Variants in DNAJC10 observed in about 807,000 individuals in gnomAD.
DNAJC10 encodes DnaJ heat shock protein family (Hsp40) member C10.
DNAJC10 carries 101 observed loss-of-function variants against 115.0 expected under a neutral mutation model. The ratio of observed to expected loss-of-function variants is 0.88; its 90% CI spans 0.75 to 1.04. The LOEUF (loss-of-function observed/expected upper bound fraction) is 1.04. Ranked by LOEUF, DNAJC10 falls within the 50% of genes least tolerant of loss-of-function variation. The pLI, the probability that DNAJC10 is intolerant of heterozygous loss-of-function variation, is 0.00. For missense variants in DNAJC10, 981 were observed against 928.8 expected (o/e 1.06, Z -0.73); for synonymous variants, 307 against 301.5 (o/e 1.02, Z -0.19).
rs1695046591 is a variant in DNAJC10 at position 182,791,425 on chromosome 2, A to G, written c.*14293A>G. 1 of 152,246 alleles carries G rather than the reference A, an allele frequency of 6.6e-6. No individual in the cohort carries two copies. Among genetic ancestry groups the G allele is most frequent in the Non-Finnish European group, 1.5e-5 (1 of 68,034 alleles). The allele number at this position is 152,246 out of a possible 1,614,324, so 9.4% of individuals were successfully genotyped here. A position where few individuals can be genotyped will look rare whatever the true frequency, so the allele number is the denominator to read the frequency against. ...ATGGGTTACTCTAAAATGAAATTTT[A>G]AAAGTATATAAACATCTTAAACTTT... On this transcript the variant is annotated 3_prime_UTR_variant, in exon 24 of 24. Coordinates refer to ENST00000264065, the MANE Select transcript of DNAJC10 (RefSeq NM_018981.4).
chr2:182,752,594 A>G lies in DNAJC10; in HGVS notation c.1551+406A>G, dbSNP rs181937938. On this transcript the variant is annotated intron_variant, in intron 16 of 23. Transcript: ENST00000264065. ...TAAAACAATGAACAAGCCTTTTGAAATCTTTGTTTAAATGAAATTATTTTC... is the reference window on the plus strand; with the variant it reads ...TAAAACAATGAACAAGCCTTTTGAAGTCTTTGTTTAAATGAAATTATTTTC... 8.6e-5 allele frequency: 81 copies of G among 937,772 alleles called. 1 individual carries two copies. The East Asian group carries it at 8.2e-3, about 95-fold the overall frequency. The allele number at this position is 937,772 out of a possible 1,614,324, so 58.1% of individuals were successfully genotyped here.
At chr2:182,773,619 T>G (rs1472002303) in intron 22 of DNAJC10, among the ~76,000 whole-genome samples, 1 of 152,218 alleles carries the variant, frequency 6.6e-6, no homozygotes. Flanking sequence ...CTTGATCAAA[T>G]TGGCTATTGA....
In DNAJC10 at chr2:182,792,753, G is replaced by A. The variant is rs1411792653; in HGVS notation, c.*15621G>A. The stretch of plus-strand genomic sequence containing the variant: ...GCCTTCCTGAATAGAAATCATTTAT[G>A]AGGAAGTTACATGAGCTCAACATGA... On this transcript the variant is annotated 3_prime_UTR_variant, in exon 24 of 24. Coordinates refer to ENST00000264065, the MANE Select transcript of DNAJC10 (RefSeq NM_018981.4). 1 of 152,192 alleles carries A rather than the reference G, an allele frequency of 6.6e-6. No homozygotes were observed. Among genetic ancestry groups the A allele is most frequent in the Non-Finnish European group, 1.5e-5 (1 of 68,034 alleles). 9.4% of individuals were successfully genotyped at this position (152,192 alleles called of 1,614,324 possible).
At position 182,787,587 on chromosome 2, in the gene DNAJC10, T is replaced by G. The variant is rs944266451; in HGVS notation, c.*10455T>G. ...ACTGAACAAATCGAAGACATTTAAT[T>G]TAGTCAAAATAGGCATGGGAATGAA... On this transcript the variant is annotated 3_prime_UTR_variant, in exon 24 of 24. Coordinates refer to ENST00000264065, the MANE Select transcript of DNAJC10 (RefSeq NM_018981.4). 2 of 152,110 alleles carry G rather than the reference T, an allele frequency of 1.3e-5. No individual in the cohort carries two copies. The highest frequency in any genetic ancestry group is 4.2e-4 in the South Asian group (2 of 4,814). 9.4% of individuals were successfully genotyped at this position (152,110 alleles called of 1,614,324 possible).
At chr2:182,768,737 C>T (rs989130788) in intron 22 of DNAJC10, among the ~76,000 whole-genome samples, 7 of 152,148 alleles carry the variant, frequency 4.6e-5, no homozygotes, top group Admixed American at 1.3e-4. Context: ...ATACATGTTG[C>T]TTTCCATTAC....
At chr2:182,747,642 G>T (rs1413867095) in intron 14 of DNAJC10, among the ~76,000 whole-genome samples, 12 of 151,930 alleles carry the variant, frequency 7.9e-5, no homozygotes, top group African/African-American at 1.2e-4. Context: ...GAGACAATGT[G>T]GTTTTCTAGA....
intron 14 of DNAJC10, among the ~76,000 whole-genome samples, chr2:182,750,099 A>C (rs1315857457): frequency 6.6e-6 from 1 of 152,194 alleles, no homozygotes; most frequent in Non-Finnish European, 1.5e-5. Context: ...AAGACCAAGA[A>C]TGCAAAGTCA....
At chr2:182,756,035 T>C (rs1221302402) in intron 17 of DNAJC10, among the ~76,000 whole-genome samples, 1 of 152,196 alleles carries the variant, frequency 6.6e-6, no homozygotes, top group Non-Finnish European at 1.5e-5. Flanking sequence ...TCCTTAAGCA[T>C]CTTTTGGTTT....
At chr2:182,720,201 G>A in intron 4 of DNAJC10, 32 bp downstream of exon 4, 2 of 1,550,230 alleles carry the variant, frequency 1.3e-6, no homozygotes, top group Non-Finnish European at 8.8e-7. Flanking sequence ...TATGAAATGT[G>A]TTTTATCTGA....
At chr2:182,719,565 A>G (rs1382223785) in intron 3 of DNAJC10, among the ~76,000 whole-genome samples, 1 of 151,930 alleles carries the variant, frequency 6.6e-6, no homozygotes, top group African/African-American at 2.4e-5. Context: ...CTTTTATGTA[A>G]TTAGCTGATA....
chr2:182,777,664 A>G lies in DNAJC10; in HGVS notation c.*532A>G, dbSNP rs1373420604. 2 of 152,198 alleles carry G rather than the reference A, an allele frequency of 1.3e-5. No individual in the cohort carries two copies. The highest frequency in any genetic ancestry group is 2.4e-5 in the African/African-American group (1 of 41,468). 9.4% of individuals were successfully genotyped at this position (152,198 alleles called of 1,614,324 possible). ...TTTTTGGTCACTTGTTCTCCTAAAA[A>G]TGCTATCCCTAACCATATATTTATA... On this transcript the variant is annotated 3_prime_UTR_variant, in exon 24 of 24. Coordinates refer to ENST00000264065, the MANE Select transcript of DNAJC10 (RefSeq NM_018981.4).
At chr2:182,769,442 A>G (rs1292643278) in intron 22 of DNAJC10, among the ~76,000 whole-genome samples, 2 of 152,068 alleles carry the variant, frequency 1.3e-5, no homozygotes, top group African/African-American at 2.4e-5. Context: ...ACTCCCACCA[A>G]CAGTGTAAAA....
intron 22 of DNAJC10, among the ~76,000 whole-genome samples, chr2:182,769,961 T>C (rs1694516757): frequency 6.6e-6 from 1 of 152,194 alleles, no homozygotes; most frequent in South Asian, 2.1e-4. Context: ...AGATCTTACG[T>C]TTAGGTCTTT....
intron 22 of DNAJC10, among the ~76,000 whole-genome samples, chr2:182,764,361 G>A (rs1472026080): frequency 2.0e-5 from 3 of 152,076 alleles, no homozygotes; most frequent in South Asian, 2.1e-4. Context: ...TTGCAGTAGC[G>A]GCAGTTGCTA....
intron 14 of DNAJC10, among the ~76,000 whole-genome samples, chr2:182,750,030 C>G (rs1693975769): frequency 6.6e-6 from 1 of 152,112 alleles, no homozygotes; most frequent in Admixed American, 6.6e-5. Context: ...TAGGGCTGCT[C>G]TCAATATGGT....
In DNAJC10 at chr2:182,780,710, T is replaced by A. The variant is rs1694825640; in HGVS notation, c.*3578T>A. On this transcript the variant is annotated 3_prime_UTR_variant, in exon 24 of 24. Transcript: ENST00000264065. ...GTTTAACACTGAATTTACACTTAGA[T>A]TCTTGTACTGTCACTGAGTCCCCTT... 1.3e-5 allele frequency: 2 copies of A among 152,166 alleles called. No homozygotes were observed. The highest frequency in any genetic ancestry group is 4.8e-5 in the African/African-American group (2 of 41,444). 9.4% of individuals were successfully genotyped at this position (152,166 alleles called of 1,614,324 possible).
intron 22 of DNAJC10, among the ~76,000 whole-genome samples, chr2:182,772,962 T>G (rs897329449): frequency 6.6e-6 from 1 of 152,240 alleles, no homozygotes; most frequent in Non-Finnish European, 1.5e-5. Flanking sequence ...TGGCATGTTT[T>G]TGCAATGGCT....
intron 22 of DNAJC10, among the ~76,000 whole-genome samples, chr2:182,774,211 C>T (rs1694643716): frequency 6.6e-6 from 1 of 152,202 alleles, no homozygotes; most frequent in African/African-American, 2.4e-5. Flanking sequence ...CTGATGCTTC[C>T]TCTGGAAGCT....
At chr2:182,717,860 T>C (rs537833290) in intron 2 of DNAJC10, 81 bp from the exon 3 acceptor site, 5 of 362,024 alleles carry the variant, frequency 1.4e-5, no homozygotes, top group African/African-American at 1.0e-4. Context: ...ATTGTATTGC[T>C]GACCATGTTC....
Sources: allele counts gnomAD v4.1 joint callset (sites outside exome capture counted in the v4.1 genomes callset), GRCh38; gene constraint gnomAD v4.1.1; transcripts MANE v1.5; gene names NCBI Gene and HGNC (gene_info 2026-07-23, HGNC 2026-07-21).